Variants in GRID1 observed in about 807,000 individuals in gnomAD.
GRID1 encodes glutamate receptor ionotropic, delta-1.
A neutral mutation model predicts 98.0 loss-of-function variants in GRID1; 28 were observed. That is an observed-to-expected ratio of 0.29 (90% confidence interval 0.21 to 0.39). The LOEUF (loss-of-function observed/expected upper bound fraction) is 0.39, where lower values mean the gene tolerates loss of function less well. GRID1 is among the 10% of genes least tolerant of loss of function. The pLI, the probability that GRID1 is intolerant of heterozygous loss-of-function variation, is 1.00. For missense variants in GRID1, 1,111 were observed against 1,340.5 expected (o/e 0.83, Z 2.67); for synonymous variants, 553 against 538.5 (o/e 1.03, Z -0.37).
chr10:85,768,446 CA>C (rs1418301980), intron 8 of GRID1, among the ~76,000 whole-genome samples: 4 of 151,730 alleles, frequency 2.6e-5, no homozygotes, highest in Non-Finnish European at 5.9e-5. Context: ...AAAGAAAATC[CA>C]AAAGACAAAC....
chr10:85,679,265 A>C (rs941098240), intron 12 of GRID1, among the ~76,000 whole-genome samples: 5 of 152,182 alleles, frequency 3.3e-5, no homozygotes, highest in Admixed American at 2.0e-4. Flanking sequence ...CAAACCATGG[A>C]TCTCTCTCAT....
chr10:86,291,479 G>C (rs1470295299), intron 2 of GRID1, among the ~76,000 whole-genome samples: 1 of 152,184 alleles, frequency 6.6e-6, no homozygotes, highest in Admixed American at 6.5e-5. Flanking sequence ...CCCCACAGCA[G>C]CCTCGCCAGT....
At chr10:85,700,820 G>A (rs1460241055) in intron 12 of GRID1, among the ~76,000 whole-genome samples, 1 of 152,140 alleles carries the variant, frequency 6.6e-6, no homozygotes, top group Non-Finnish European at 1.5e-5. Context: ...TTAGATTTCA[G>A]TTCTCTTGGA....
chr10:85,877,784 G>A (rs993977176), intron 5 of GRID1, among the ~76,000 whole-genome samples: 30 of 152,332 alleles, frequency 2.0e-4, no homozygotes, highest in African/African-American at 7.0e-4. Context: ...TGACCTTGAC[G>A]AGTTGAGAGA....
At chr10:86,287,422 T>A (rs1408149848) in intron 2 of GRID1, among the ~76,000 whole-genome samples, 2 of 152,174 alleles carry the variant, frequency 1.3e-5, no homozygotes, top group African/African-American at 4.8e-5. Context: ...AAGCAGCTGC[T>A]GCTATTGTTT....
chr10:86,159,702 A>T lies in GRID1; in HGVS notation c.521-20678T>A, dbSNP rs577837170. Among the ~76,000 whole-genome samples the T allele has an allele frequency of 4.6e-5, 7 of 152,356 alleles. No individual in the cohort carries two copies. The East Asian group carries it at 1.2e-3, about 25-fold the overall frequency. On this transcript the variant is annotated intron_variant, in intron 3 of 15. Coordinates refer to ENST00000327946, the MANE Select transcript of GRID1 (RefSeq NM_017551.3). ...CATGCCTGCTCATCATTCATGGGAC[A>T]GAGGCAGGGGGCACAGGGCTAAGTC...
intron 12 of GRID1, among the ~76,000 whole-genome samples, chr10:85,678,947 G>A (rs117229653): frequency 6.6e-6 from 1 of 152,274 alleles, no homozygotes; most frequent in East Asian, 1.9e-4. Context: ...CAAGTCCCAC[G>A]CTGCTGCTTA....
chr10:85,793,635 C>T (rs942006971), intron 8 of GRID1, among the ~76,000 whole-genome samples: 5 of 152,154 alleles, frequency 3.3e-5, no homozygotes, highest in African/African-American at 4.8e-5. Context: ...ATCTCTGCTA[C>T]GCTCACTGAT....
At chr10:85,979,695 A>G (rs1446302433) in intron 4 of GRID1, among the ~76,000 whole-genome samples, 1 of 152,216 alleles carries the variant, frequency 6.6e-6, no homozygotes, top group East Asian at 1.9e-4. Flanking sequence ...ATGCTGTGGT[A>G]CTGGGGTTAG....
intron 15 of GRID1, chr10:85,607,067 T>C (rs1468591378): frequency 6.6e-6 from 1 of 152,224 alleles, no homozygotes; most frequent in Non-Finnish European, 1.5e-5. Context: ...CAGCTCTGCG[T>C]TTCTCATCCC....
intron 12 of GRID1, among the ~76,000 whole-genome samples, chr10:85,710,348 G>C (rs1841568513): frequency 1.3e-5 from 2 of 152,132 alleles, no homozygotes; most frequent in South Asian, 4.2e-4. Flanking sequence ...TTTCGATGAG[G>C]GTGCCAAGAC....
At chr10:86,025,287 TGTA>T in intron 4 of GRID1, among the ~76,000 whole-genome samples, 1 of 152,204 alleles carries the variant, frequency 6.6e-6, no homozygotes, top group South Asian at 2.1e-4. Context: ...TGCATGTAAA[TGTA>T]GTGGTTATGG....
At chr10:86,242,860 C>G (rs756189763) in intron 2 of GRID1, among the ~76,000 whole-genome samples, 1 of 152,170 alleles carries the variant, frequency 6.6e-6, no homozygotes, top group Non-Finnish European at 1.5e-5. Context: ...CCCACAGTCA[C>G]AGTAACAAGT....
At chr10:85,790,607 G>A (rs974179576) in intron 8 of GRID1, among the ~76,000 whole-genome samples, 9 of 152,196 alleles carry the variant, frequency 5.9e-5, no homozygotes, top group African/African-American at 2.2e-4. Flanking sequence ...GGGTCACTAG[G>A]TTTGGGGCAG....
At chr10:86,353,403 CT>C (rs1282611996) in intron 2 of GRID1, among the ~76,000 whole-genome samples, 1 of 152,264 alleles carries the variant, frequency 6.6e-6, no homozygotes, top group Non-Finnish European at 1.5e-5. Context: ...CAACAGTCTC[CT>C]TGTGTATGTA....
intron 2 of GRID1, among the ~76,000 whole-genome samples, chr10:86,319,658 T>C (rs1847943763): frequency 6.6e-6 from 1 of 152,072 alleles, no homozygotes; most frequent in East Asian, 1.9e-4. Flanking sequence ...TTCCAATAAA[T>C]AGTAGCAGCT....
At chr10:85,701,898 T>G (rs1349912179) in intron 12 of GRID1, among the ~76,000 whole-genome samples, 3 of 152,004 alleles carry the variant, frequency 2.0e-5, no homozygotes, top group Middle Eastern at 3.2e-3. Context: ...CACCAAAATC[T>G]CACTAATCAC....
chr10:85,992,775 C>A (rs1842697269), intron 4 of GRID1, among the ~76,000 whole-genome samples: 1 of 151,798 alleles, frequency 6.6e-6, no homozygotes. Context: ...CATAGTGAGA[C>A]CCTGTCTCTA....
At position 86,363,639 on chromosome 10, in the gene GRID1, C is replaced by G. The variant is rs370770030; in HGVS notation, c.235+302G>C. Among the ~76,000 whole-genome samples the G allele has an allele frequency of 1.3e-4, 20 of 152,276 alleles. No homozygotes were observed. In the East Asian group the frequency reaches 3.7e-3, roughly 28 times the overall value. ...AACAAAGACTGCCCCGAGCCACGCA[C>G]GCCTGCGCGGCCAGCGCTGGGCGCA... On this transcript the variant is annotated intron_variant, in intron 2 of 15. Coordinates refer to ENST00000327946, the MANE Select transcript of GRID1 (RefSeq NM_017551.3).
Sources: allele counts gnomAD v4.1 joint callset (sites outside exome capture counted in the v4.1 genomes callset), GRCh38; gene constraint gnomAD v4.1.1; transcripts MANE v1.5; gene names NCBI Gene and HGNC (gene_info 2026-07-23, HGNC 2026-07-21).